The following CPED1 variants were observed in gnomAD, a reference collection of about 807,000 sequenced individuals.
CPED1 encodes the protein cadherin-like and PC-esterase domain-containing protein 1.
CPED1 carries 114 observed loss-of-function variants against 128.2 expected under a neutral mutation model. The ratio of observed to expected loss-of-function variants is 0.89; its 90% CI spans 0.76 to 1.04. CPED1 has a LOEUF of 1.04. Among genes scored for constraint, CPED1 ranks in the 50% least tolerant of loss-of-function variants. CPED1 has a pLI of 0.00. For missense variants in CPED1, 1,211 were observed against 1,207.1 expected (o/e 1.00, Z -0.05); for synonymous variants, 462 against 426.7 (o/e 1.08, Z -1.02).
intron 5 of CPED1, among the ~76,000 whole-genome samples, chr7:121,077,427 A>G (rs1413713670): frequency 6.6e-6 from 1 of 152,130 alleles, no homozygotes; most frequent in Non-Finnish European, 1.5e-5. Flanking sequence ...ACAGATAAGC[A>G]AAAAGAAAGC....
chr7:121,088,875 G>A (rs1384269356), intron 5 of CPED1, among the ~76,000 whole-genome samples: 2 of 150,308 alleles, frequency 1.3e-5, no homozygotes, highest in Non-Finnish European at 3.0e-5. Context: ...TCCCCTCTTG[G>A]CTCAAATTAA....
chr7:121,124,823 T>C (rs1385663098), intron 8 of CPED1, among the ~76,000 whole-genome samples: 2 of 152,204 alleles, frequency 1.3e-5, no homozygotes, highest in Non-Finnish European at 2.9e-5. Context: ...TAAATTTCAT[T>C]CTCAAATATC....
At chr7:121,014,408 A>G (rs569043708) in intron 2 of CPED1, among the ~76,000 whole-genome samples, 50 of 152,104 alleles carry the variant, frequency 3.3e-4, no homozygotes, top group Admixed American at 7.2e-4. Flanking sequence ...AAAATTAGCC[A>G]GGCGTGGTGG....
chr7:121,238,755 T>TTA (rs145453996), intron 17 of CPED1, among the ~76,000 whole-genome samples: 33 of 148,918 alleles, frequency 2.2e-4, no homozygotes, highest in East Asian at 1.9e-3. Flanking sequence ...GGAATATATA[T>TTA]TATATATATA....
intron 5 of CPED1, among the ~76,000 whole-genome samples, chr7:121,090,034 A>G (rs1461889695): frequency 1.3e-5 from 2 of 152,234 alleles, no homozygotes; most frequent in Non-Finnish European, 2.9e-5. Flanking sequence ...ATAACCGACA[A>G]GAATGAGCAG....
At chr7:121,013,863 A>G (rs1562992010) in intron 2 of CPED1, among the ~76,000 whole-genome samples, 1 of 152,236 alleles carries the variant, frequency 6.6e-6, no homozygotes, top group African/African-American at 2.4e-5. Flanking sequence ...AAAGATTTTG[A>G]TAGGTGCTAT....
intron 2 of CPED1, among the ~76,000 whole-genome samples, chr7:121,012,251 A>C (rs1362582860): frequency 6.6e-6 from 1 of 152,222 alleles, no homozygotes; most frequent in Non-Finnish European, 1.5e-5. Flanking sequence ...ACATCCTTTC[A>C]GTAAAAATAA....
chr7:121,060,636 T>C (rs1353289436), intron 4 of CPED1, among the ~76,000 whole-genome samples: 3 of 152,098 alleles, frequency 2.0e-5, no homozygotes, highest in Non-Finnish European at 2.9e-5. Context: ...TGGAGAACCT[T>C]TGTGTCTAGC....
chr7:121,136,103 T>G lies in CPED1; in HGVS notation c.1699+13T>G. Reference sequence around the variant, plus strand: ...CATTGCAGTGATGGTGAGTTGAGATTAAAGTGTTGTAGCAGCATAATAAAC... The same window carrying G: ...CATTGCAGTGATGGTGAGTTGAGATGAAAGTGTTGTAGCAGCATAATAAAC... On this transcript the variant is annotated intron_variant, in intron 14 of 22. Transcript: ENST00000310396. The G allele has an allele frequency of 6.4e-7, 1 of 1,551,888 alleles. No individual in the cohort carries two copies. The highest frequency in any genetic ancestry group is 1.3e-5 in the South Asian group (1 of 78,562).
intron 7 of CPED1, among the ~76,000 whole-genome samples, chr7:121,102,295 T>G (rs1460585816): frequency 6.6e-6 from 1 of 152,164 alleles, no homozygotes; most frequent in Non-Finnish European, 1.5e-5. Context: ...GTAGCTGTAT[T>G]TTTTGTGCAT....
At chr7:121,291,584 T>C (rs1291107858) in intron 22 of CPED1, among the ~76,000 whole-genome samples, 1 of 152,228 alleles carries the variant, frequency 6.6e-6, no homozygotes, top group African/African-American at 2.4e-5. Flanking sequence ...AGTTCACTCA[T>C]GATTTAGCAC....
intron 16 of CPED1, among the ~76,000 whole-genome samples, chr7:121,176,856 T>C (rs916707462): frequency 3.9e-5 from 6 of 152,094 alleles, no homozygotes; most frequent in Non-Finnish European, 8.8e-5. Context: ...ATTTATATTC[T>C]TTCTATCACA....
intron 18 of CPED1, among the ~76,000 whole-genome samples, chr7:121,259,019 C>T (rs139270376): frequency 2.6e-5 from 4 of 152,024 alleles, no homozygotes; most frequent in Non-Finnish European, 2.9e-5. Context: ...GAAAGTTAGG[C>T]CTTCAAATAG....
chr7:121,078,857 G>A (rs931765407), intron 5 of CPED1, among the ~76,000 whole-genome samples: 6 of 152,174 alleles, frequency 3.9e-5, no homozygotes. Flanking sequence ...CACAGACTGG[G>A]TGGCTTAAAC....
intron 7 of CPED1, among the ~76,000 whole-genome samples, chr7:121,120,609 ATTAC>A (rs1243139108): frequency 1.3e-5 from 2 of 152,170 alleles, no homozygotes; most frequent in Non-Finnish European, 2.9e-5. Context: ...ATTCAAGAAC[ATTAC>A]TTTGAAAAAC....
chr7:121,247,063 T>C, intron 18 of CPED1, among the ~76,000 whole-genome samples: 1 of 152,140 alleles, frequency 6.6e-6, no homozygotes, highest in East Asian at 1.9e-4. Flanking sequence ...CAACCAGCAT[T>C]AGAAAGGCCA....
Position 121,297,322 on chromosome 7 carries a change from T to G in CPED1, c.*1670T>G, listed in dbSNP as rs375188590. The G allele has an allele frequency of 5.3e-5, 8 of 152,294 alleles. No homozygotes were observed. The South Asian group carries it at 8.3e-4, about 16-fold the overall frequency. The allele number at this position is 152,294 out of a possible 1,614,324, so 9.4% of individuals were successfully genotyped here. A position where few individuals can be genotyped will look rare whatever the true frequency, so the allele number is the denominator to read the frequency against. On this transcript the variant is annotated 3_prime_UTR_variant, in exon 23 of 23. Transcript: ENST00000310396. ...ACAGTCAGTATTTCATATAATTTTC[T>G]TTAGACCTAACTGTTACCATCTGAC...
chr7:121,180,370 A>C (rs1040147378), intron 16 of CPED1, among the ~76,000 whole-genome samples: 2 of 152,084 alleles, frequency 1.3e-5, no homozygotes, highest in Non-Finnish European at 2.9e-5. Flanking sequence ...AATATCAACA[A>C]TGAAATAAAA....
chr7:121,186,746 A>G (rs910381286), intron 16 of CPED1, among the ~76,000 whole-genome samples: 3 of 152,172 alleles, frequency 2.0e-5, no homozygotes, highest in African/African-American at 7.2e-5. Context: ...TCATCAAGCA[A>G]TCAATAGCTG....
Sources: allele counts gnomAD v4.1 joint callset (sites outside exome capture counted in the v4.1 genomes callset), GRCh38; gene constraint gnomAD v4.1.1; transcripts MANE v1.5; gene names NCBI Gene and HGNC (gene_info 2026-07-23, HGNC 2026-07-21).